NAV3: variants seen among roughly 807,000 people sequenced by gnomAD.
NAV3 encodes neuron navigator 3, also known as pore membrane and/or filament interacting like protein 1.
In NAV3, 87 loss-of-function variants were observed where a neutral mutation model predicts 244.7. The ratio of observed to expected loss-of-function variants is 0.36; its 90% CI spans 0.30 to 0.42. The LOEUF is 0.42. Ranked by LOEUF, NAV3 falls within the 20% of genes least tolerant of loss-of-function variation. NAV3 has a pLI of 1.00. For synonymous variants in NAV3, 1,126 were observed against 1,042.2 expected, an observed-to-expected ratio of 1.08 and a Z score of -1.55; for missense variants, 2,663 against 2,893.3, an observed-to-expected ratio of 0.92 and a Z score of 1.83.
chr12:78,007,578 G>T (rs910390786), intron 8 of NAV3, 133 bp downstream of exon 8: 4 of 967,144 alleles, frequency 4.1e-6, no homozygotes, highest in Non-Finnish European at 4.4e-6. Context: ...TAAAGATAGA[G>T]GCCTAGAATT....
intron 15 of NAV3, 113 bp downstream of exon 15, chr12:78,120,058 A>AATATC: frequency 1.5e-6 from 1 of 654,690 alleles, no homozygotes; most frequent in Non-Finnish European, 2.2e-6. Context: ...TAAGGTATAT[A>AATATC]TATATCTTAG....
At chr12:77,937,841 GTGA>G (rs1196507737) in intron 1 of NAV3, among the ~76,000 whole-genome samples, 15 of 152,312 alleles carry the variant, frequency 9.8e-5, no homozygotes, top group African/African-American at 3.6e-4. Context: ...TAGATGCCAT[GTGA>G]TGATAATAAT....
intron 5 of NAV3, among the ~76,000 whole-genome samples, chr12:77,970,978 C>T (rs886961755): frequency 6.6e-6 from 1 of 152,092 alleles, no homozygotes; most frequent in Admixed American, 6.6e-5. Flanking sequence ...CTTTACCTCA[C>T]TCTTTTTCTG....
chr12:78,150,279 A>G (rs1957023317), intron 22 of NAV3, among the ~76,000 whole-genome samples: 2 of 152,024 alleles, frequency 1.3e-5, no homozygotes, highest in Non-Finnish European at 2.9e-5. Flanking sequence ...AACCTTATTT[A>G]TTAGATTGTC....
At chr12:77,631,640 GATA>G (rs1871904063) in intron 2 of NAV3, among the ~76,000 whole-genome samples, 1 of 152,152 alleles carries the variant, frequency 6.6e-6, no homozygotes, top group Non-Finnish European at 1.5e-5. Flanking sequence ...CTGTGGGAAT[GATA>G]ATAATATTGA....
At chr12:78,151,688 T>C (rs1024578992) in intron 22 of NAV3, among the ~76,000 whole-genome samples, 7 of 151,934 alleles carry the variant, frequency 4.6e-5, no homozygotes, top group Non-Finnish European at 1.0e-4. Context: ...TTTTGTATTT[T>C]GAATGAGATG....
At chr12:78,064,175 G>A (rs1203933326) in intron 12 of NAV3, among the ~76,000 whole-genome samples, 1 of 152,096 alleles carries the variant, frequency 6.6e-6, no homozygotes, top group African/African-American at 2.4e-5. Flanking sequence ...TTTTGTCTAT[G>A]TGTATGATAA....
At chr12:77,796,091 G>A (rs2135956658) in intron 2 of NAV3, among the ~76,000 whole-genome samples, 1 of 152,228 alleles carries the variant, frequency 6.6e-6, no homozygotes, top group Non-Finnish European at 1.5e-5. Flanking sequence ...ATTTCATAAG[G>A]ATATAGCTGC....
intron 39 of NAV3, among the ~76,000 whole-genome samples, chr12:78,205,493 A>G (rs1485037260): frequency 6.6e-6 from 1 of 152,038 alleles, no homozygotes; most frequent in Non-Finnish European, 1.5e-5. Context: ...TAGAAAAACA[A>G]AAGTTATGGT....
chr12:77,605,633 T>G (rs1870637403), intron 2 of NAV3, among the ~76,000 whole-genome samples: 1 of 152,162 alleles, frequency 6.6e-6, no homozygotes, highest in African/African-American at 2.4e-5. Context: ...TAATCTTTTC[T>G]TAGAGGGAAG....
chr12:78,205,156 A>C lies in NAV3; in HGVS notation c.7038+18A>C. The stretch of plus-strand genomic sequence containing the variant: ...ATCCCCTGGTAAGAATCAGATGTTC[A>C]TTTCTTCCTATGTAATCTTGACTAC... On this transcript the variant is annotated intron_variant, in intron 39 of 39. Transcript: ENST00000397909. The C allele has an allele frequency of 6.2e-7, 1 of 1,606,844 alleles. No individual in the cohort carries two copies. The highest frequency in any genetic ancestry group is 8.5e-7 in the Non-Finnish European group (1 of 1,175,154).
intron 2 of NAV3, among the ~76,000 whole-genome samples, chr12:77,590,084 A>T (rs1406370884): frequency 6.6e-6 from 1 of 152,226 alleles, no homozygotes; most frequent in Non-Finnish European, 1.5e-5. Flanking sequence ...CATAACCTTA[A>T]ACCTCTAAAA....
intron 2 of NAV3, among the ~76,000 whole-genome samples, chr12:77,807,913 T>G (rs1872068716): frequency 6.6e-6 from 1 of 152,192 alleles, no homozygotes; most frequent in African/African-American, 2.4e-5. Flanking sequence ...TCATGTTTTA[T>G]TTCACTCAGT....
chr12:77,616,852 A>G (rs2136848413), intron 2 of NAV3, among the ~76,000 whole-genome samples: 1 of 152,290 alleles, frequency 6.6e-6, no homozygotes, highest in South Asian at 2.1e-4. Flanking sequence ...GAAAATCTCA[A>G]CAACTTTTCT....
Position 77,609,340 on chromosome 12 carries a change from C to T in NAV3, c.72+37074C>T, listed in dbSNP as rs572892425. On this transcript the variant is annotated intron_variant, in intron 2 of 8. Coordinates refer to the NAV3 transcript ENST00000550042. ...TTAAGCTCCTACAACTCCAGTAGTT[C>T]CAGAGCCTGGCTACAAAGCAATATT... 2.0e-3 allele frequency among the ~76,000 whole-genome samples: 309 copies of T among 152,162 alleles called. 4 individuals are homozygous for T. The highest frequency in any genetic ancestry group is 6.8e-3 in the Middle Eastern group (2 of 294).
intron 12 of NAV3, among the ~76,000 whole-genome samples, chr12:78,092,642 G>T (rs1238163740): frequency 6.6e-6 from 1 of 151,772 alleles, no homozygotes; most frequent in Non-Finnish European, 1.5e-5. Context: ...TGGGACTACA[G>T]GCGCCTGCCA....
At chr12:77,903,372 T>C (rs1346812935) in intron 1 of NAV3, among the ~76,000 whole-genome samples, 2 of 152,182 alleles carry the variant, frequency 1.3e-5, no homozygotes, top group African/African-American at 2.4e-5. Flanking sequence ...TTGACAAACC[T>C]GTCAAAAACA....
intron 12 of NAV3, among the ~76,000 whole-genome samples, chr12:78,085,393 C>A (rs1291604730): frequency 3.9e-5 from 6 of 152,130 alleles, no homozygotes; most frequent in Non-Finnish European, 8.8e-5. Flanking sequence ...AAGGTTCTGG[C>A]ATATTCCATG....
Position 78,119,843 on chromosome 12 carries a change from G to A in NAV3, c.3647G>A (p.Gly1216Asp), listed in dbSNP as rs747554861. ...VSDSESVSLS[G>D]SPKSSPTSAS... is the part of the protein sequence containing the mutation. Reference sequence around the variant, plus strand: ...GATTCAGAAAGTGTTTCTTTGTCAGGTTCCCCCAAATCCAGCCCCACCTCT... The same window carrying A: ...GATTCAGAAAGTGTTTCTTTGTCAGATTCCCCCAAATCCAGCCCCACCTCT... The change falls in exon 15 of 40, where the codon GGT becomes GAT. Residue 1216 changes from glycine (G) to aspartate (D), a missense_variant. Around this residue, in one of 6 missense-constraint regions of NAV3, gnomAD observed 1,521 missense variants for 1,497.0 expected, o/e 1.02. Coordinates refer to ENST00000397909, the MANE Select transcript of NAV3 (RefSeq NM_001024383.2). 9.9e-6 allele frequency: 16 copies of A among 1,614,068 alleles called. No individual in the cohort carries two copies. The highest frequency in any genetic ancestry group is 1.4e-5 in the Non-Finnish European group (16 of 1,180,012).
Sources: allele counts gnomAD v4.1 joint callset (sites outside exome capture counted in the v4.1 genomes callset), GRCh38; gene constraint gnomAD v4.1.1; regional missense constraint gnomAD v4.1.1; transcripts MANE v1.5; gene names NCBI Gene and HGNC (gene_info 2026-07-23, HGNC 2026-07-21).